The following HSD17B4 variants were observed in gnomAD, a reference collection of about 807,000 sequenced individuals.
HSD17B4 encodes hydroxysteroid 17-beta dehydrogenase 4, also known as peroxisomal multifunctional enzyme type 2.
A neutral mutation model predicts 101.0 loss-of-function variants in HSD17B4; 70 were observed. The observed-to-expected ratio is 0.69, with a 90% confidence interval of 0.57 to 0.85. HSD17B4 has a LOEUF of 0.85. Ranked by LOEUF, HSD17B4 falls within the 40% of genes least tolerant of loss-of-function variation. HSD17B4 has a pLI of 0.00. For synonymous variants in HSD17B4, 347 were observed against 297.1 expected, an observed-to-expected ratio of 1.17 and a Z score of -1.73; for missense variants, 984 against 892.4, an observed-to-expected ratio of 1.10 and a Z score of -1.31.
chr5:119,527,278 A>G, intron 20 of HSD17B4, 59 bp downstream of exon 20: 4 of 919,080 alleles, frequency 4.4e-6, no homozygotes, highest in Admixed American at 3.7e-5. Context: ...CCATCTTACC[A>G]TTTTTTTTTG....
chr5:119,517,674 G>C (rs1372908561), intron 17 of HSD17B4, among the ~76,000 whole-genome samples: 1 of 152,198 alleles, frequency 6.6e-6, no homozygotes, highest in African/African-American at 2.4e-5. Flanking sequence ...TCAGCACCCT[G>C]TGTCTAGCTC....
chr5:119,498,135 A>G (rs965473085), intron 12 of HSD17B4, among the ~76,000 whole-genome samples: 1 of 152,216 alleles, frequency 6.6e-6, no homozygotes, highest in African/African-American at 2.4e-5. Context: ...ATAAATAGGA[A>G]GAAGTAAATC....
intron 17 of HSD17B4, 108 bp downstream of exon 17, chr5:119,515,154 ATGT>A: frequency 1.4e-6 from 1 of 738,240 alleles, no homozygotes; most frequent in African/African-American, 1.7e-5. Flanking sequence ...AATGAATAAT[ATGT>A]TATTATTCAA....
At chr5:119,468,272 C>G (rs951340768) in intron 2 of HSD17B4, among the ~76,000 whole-genome samples, 1 of 152,072 alleles carries the variant, frequency 6.6e-6, no homozygotes, top group African/African-American at 2.4e-5. Flanking sequence ...TGTAGGACTC[C>G]CATAAGCATT....
chr5:119,470,989 A>G (rs1290837803), intron 2 of HSD17B4, among the ~76,000 whole-genome samples: 1 of 152,222 alleles, frequency 6.6e-6, no homozygotes, highest in Non-Finnish European at 1.5e-5. Flanking sequence ...TTATTTATCC[A>G]GCTTTCAATG....
chr5:119,527,254 T>C (rs1295691685), intron 20 of HSD17B4, 35 bp downstream of exon 20: 2 of 1,143,262 alleles, frequency 1.7e-6, no homozygotes, highest in African/African-American at 1.5e-5. Flanking sequence ...TCTCACATGC[T>C]TTATCATTGT....
At chr5:119,520,973 T>C (rs1753066499) in intron 17 of HSD17B4, among the ~76,000 whole-genome samples, 1 of 152,254 alleles carries the variant, frequency 6.6e-6, no homozygotes, top group African/African-American at 2.4e-5. Flanking sequence ...ATTTATGTAT[T>C]ATTTCCACTT....
intron 8 of HSD17B4, among the ~76,000 whole-genome samples, chr5:119,479,344 G>A (rs1051186495): frequency 1.1e-4 from 16 of 151,578 alleles, no homozygotes; most frequent in African/African-American, 3.6e-4. Context: ...ATTTTTTAGA[G>A]CAGTTCTAGA....
At chr5:119,522,295 A>G (rs533923395) in intron 17 of HSD17B4, among the ~76,000 whole-genome samples, 2 of 152,252 alleles carry the variant, frequency 1.3e-5, no homozygotes, top group South Asian at 2.1e-4. Flanking sequence ...ATAGTATTTC[A>G]TGGTGTATAT....
intron 22 of HSD17B4, among the ~76,000 whole-genome samples, chr5:119,534,379 A>G (rs912766860): frequency 6.6e-6 from 1 of 152,012 alleles, no homozygotes; most frequent in Non-Finnish European, 1.5e-5. Flanking sequence ...ATTATGTACT[A>G]TATATGTACT....
intron 1 of HSD17B4, among the ~76,000 whole-genome samples, chr5:119,454,621 G>C (rs1264291630): frequency 6.6e-6 from 1 of 151,408 alleles, no homozygotes; most frequent in East Asian, 1.9e-4. Context: ...TATATTTTTG[G>C]TTCTTTTTGT....
intron 14 of HSD17B4, among the ~76,000 whole-genome samples, chr5:119,504,435 C>G (rs954043309): frequency 9.2e-5 from 14 of 152,118 alleles, no homozygotes; most frequent in Admixed American, 2.0e-4. Context: ...GCAGCCTCAC[C>G]AGCATCTGTT....
rs144141837 is a variant in HSD17B4 at position 119,493,818 on chromosome 5, T to A, written c.740T>A (p.Leu247Ter). 6.2e-7 allele frequency: 1 copy of A among 1,612,734 alleles called. No homozygotes were observed. The highest frequency in any genetic ancestry group is 8.5e-7 in the Non-Finnish European group (1 of 1,179,082). ...FEVGAGWIGKLRWERTLGAIV... is the reference protein window; with the variant it reads ...FEVGAGWIGK ...ATGTTAGTTTTGTTTCTATAACCAG[T>A]ACGCTGGGAGCGGACTCTTGGAGCT... Residue 247 changes from leucine to a stop codon, truncating the protein, a stop_gained and splice_region_variant, in exon 11 of 24, where the codon TTA (leucine) becomes TAA (stop). Transcript: ENST00000510025. LOFTEE classifies it high-confidence loss of function.
At chr5:119,522,724 C>T (rs982539531) in intron 17 of HSD17B4, among the ~76,000 whole-genome samples, 1 of 151,900 alleles carries the variant, frequency 6.6e-6, no homozygotes, top group African/African-American at 2.4e-5. Flanking sequence ...TCATTAATTT[C>T]CTCTCTTGCT....
intron 2 of HSD17B4, among the ~76,000 whole-genome samples, chr5:119,465,992 C>A (rs1381816689): frequency 6.6e-6 from 1 of 152,166 alleles, no homozygotes; most frequent in Non-Finnish European, 1.5e-5. Flanking sequence ...TATTGAGGTA[C>A]ATTCCTTCTG....
At chr5:119,462,595 A>T (rs1466090755) in intron 2 of HSD17B4, among the ~76,000 whole-genome samples, 1 of 152,178 alleles carries the variant, frequency 6.6e-6, no homozygotes, top group African/African-American at 2.4e-5. Flanking sequence ...TTTTAGCTAT[A>T]CGTTTAAGTG....
At chr5:119,520,362 G>A (rs1753003374) in intron 17 of HSD17B4, among the ~76,000 whole-genome samples, 1 of 152,072 alleles carries the variant, frequency 6.6e-6, no homozygotes, top group African/African-American at 2.4e-5. Flanking sequence ...CTTTCTTCAT[G>A]TGGTGTATCA....
chr5:119,500,809 T>C (rs1353291886), intron 13 of HSD17B4, among the ~76,000 whole-genome samples: 1 of 152,116 alleles, frequency 6.6e-6, no homozygotes, highest in Non-Finnish European at 1.5e-5. Context: ...GCCAAATGAA[T>C]GAAGTGTGTC....
intron 22 of HSD17B4, among the ~76,000 whole-genome samples, 162 bp downstream of exon 22, chr5:119,531,566 G>GGT (rs1491515511): frequency 2.8e-5 from 1 of 35,268 alleles, no homozygotes; most frequent in Non-Finnish European, 7.4e-5. Context: ...TGTCCAAAGG[G>GGT]GGGTGTGTGT....
Sources: allele counts gnomAD v4.1 joint callset (sites outside exome capture counted in the v4.1 genomes callset), GRCh38; gene constraint gnomAD v4.1.1; transcripts MANE v1.5; gene names NCBI Gene and HGNC (gene_info 2026-07-23, HGNC 2026-07-21).